The following FCHO2 variants were observed in gnomAD, a reference collection of about 807,000 sequenced individuals.
The protein encoded by FCHO2 is F-BAR domain only protein 2.
A neutral mutation model predicts 114.1 loss-of-function variants in FCHO2; 43 were observed. That is an observed-to-expected ratio of 0.38 (90% confidence interval 0.30 to 0.49). The LOEUF is 0.49. Ranked by LOEUF, FCHO2 falls within the 20% of genes least tolerant of loss-of-function variation. The pLI, the probability that FCHO2 is intolerant of heterozygous loss-of-function variation, is 0.97. For missense variants in FCHO2, 807 were observed against 950.4 expected (o/e 0.85, Z 1.98); for synonymous variants, 293 against 315.2 (o/e 0.93, Z 0.75).
Position 73,019,252 on chromosome 5 carries a change from A to G in FCHO2, c.796+1944A>G, listed in dbSNP as rs368186650. 9.2e-5 allele frequency among the ~76,000 whole-genome samples: 14 copies of G among 152,314 alleles called. No individual in the cohort carries two copies. In the East Asian group the frequency reaches 1.3e-3, roughly 15 times the overall value. ...AACATTTGCCAAGTGTAAAATTCATAAAGAATTTTGTGACTGAGCATGGTG... is the reference window on the plus strand; with the variant it reads ...AACATTTGCCAAGTGTAAAATTCATGAAGAATTTTGTGACTGAGCATGGTG... On this transcript the variant is annotated intron_variant, in intron 8 of 25. Coordinates refer to ENST00000430046, the MANE Select transcript of FCHO2 (RefSeq NM_138782.3).
chr5:73,063,823 C>G lies in FCHO2; in HGVS notation c.1346-18C>G, dbSNP rs1005062088. The stretch of plus-strand genomic sequence containing the variant: ...ATACTAATGATTTTCTTCAAATTCT[C>G]TTTTCCCCCTCAACCAGCCAGGCCC... On this transcript the variant is annotated intron_variant, in intron 17 of 25. Transcript: ENST00000430046. 1.9e-6 allele frequency: 3 copies of G among 1,601,848 alleles called. No homozygotes were observed. Among genetic ancestry groups the G allele is most frequent in the East Asian group, 2.2e-5 (1 of 44,612 alleles).
chr5:73,026,138 A>G (rs894905241), intron 8 of FCHO2, among the ~76,000 whole-genome samples: 3 of 152,280 alleles, frequency 2.0e-5, no homozygotes, highest in Middle Eastern at 3.4e-3. Context: ...AGACCACTGC[A>G]TGACTGTTGG....
rs1755355030 is a variant in FCHO2 at position 73,017,262 on chromosome 5, G to T, written c.750G>T (p.Leu250Phe). 3 of 1,566,212 alleles carry T rather than the reference G, an allele frequency of 1.9e-6. No homozygotes were observed. In the African/African-American group the frequency reaches 4.1e-5, roughly 21 times the overall value. Residue 250 changes from leucine (L) to phenylalanine (F), a missense_variant, in exon 8 of 26, where the codon TTG (leucine) becomes TTT (phenylalanine). Leu to Phe is a conservative substitution (Grantham distance 22). Coordinates refer to ENST00000430046, the MANE Select transcript of FCHO2 (RefSeq NM_138782.3). ...TGGCTAATACTACAGTTGAAAGTTT[G>T]ATACAAAAATTTGCTGAGTCAAAAG... is the stretch of plus-strand genomic sequence containing the variant. Reference protein sequence around the residue: ...NNMANTTVESLIQKFAESKGT... With the variant: ...NNMANTTVESFIQKFAESKGT...
intron 1 of FCHO2, among the ~76,000 whole-genome samples, chr5:72,956,961 T>C (rs543090896): frequency 1.3e-5 from 2 of 152,228 alleles, no homozygotes; most frequent in South Asian, 4.1e-4. Flanking sequence ...TTTACTCAGG[T>C]ATCTTTCGTG....
chr5:73,034,945 C>T (rs1459861325), intron 9 of FCHO2, among the ~76,000 whole-genome samples: 3 of 152,130 alleles, frequency 2.0e-5, no homozygotes, highest in Non-Finnish European at 4.4e-5. Context: ...GTATAACATG[C>T]ATTTGTTTTT....
intron 15 of FCHO2, 117 bp downstream of exon 15, chr5:73,054,666 G>A: frequency 1.5e-6 from 1 of 685,594 alleles, no homozygotes; most frequent in Admixed American, 3.3e-5. Flanking sequence ...GAGCCCTACT[G>A]CGTGGCTAGA....
chr5:72,960,311 G>GA (rs33995827), intron 1 of FCHO2, among the ~76,000 whole-genome samples: 117,373 of 152,040 alleles, frequency 0.77, 46,463 homozygotes, highest in Non-Finnish European at 0.86. Flanking sequence ...TACTTTGAAG[G>GA]AAAAATTATT....
intron 8 of FCHO2, 82 bp from the exon 9 acceptor site, chr5:73,034,575 A>C (rs1756400544): frequency 1.8e-6 from 2 of 1,092,152 alleles, no homozygotes; most frequent in Admixed American, 2.5e-5. Context: ...TAGAATAAAA[A>C]ATTTAAAATG....
chr5:73,015,576 G>A (rs1001014237), intron 6 of FCHO2, 50 bp from the exon 7 acceptor site: 1 of 1,067,002 alleles, frequency 9.4e-7, no homozygotes, highest in Non-Finnish European at 1.4e-6. Context: ...GAATATATAT[G>A]TATGTACCTG....
At chr5:72,995,982 C>CTTG (rs1754070942) in intron 5 of FCHO2, among the ~76,000 whole-genome samples, 1 of 152,080 alleles carries the variant, frequency 6.6e-6, no homozygotes, top group African/African-American at 2.4e-5. Flanking sequence ...GTGGCTCACA[C>CTTG]TTGTAATCCC....
intron 10 of FCHO2, among the ~76,000 whole-genome samples, chr5:73,037,477 T>C (rs1204462051): frequency 2.6e-5 from 4 of 152,024 alleles, no homozygotes; most frequent in Non-Finnish European, 5.9e-5. Flanking sequence ...TTTTGAAATA[T>C]CCTTATTTTT....
At chr5:73,081,744 T>G (rs1054761208) in intron 22 of FCHO2, 39 bp from the exon 23 acceptor site, 4 of 1,410,512 alleles carry the variant, frequency 2.8e-6, no homozygotes, top group East Asian at 2.6e-5. Flanking sequence ...TCTTAACTTT[T>G]CAGGCCAAAA....
chr5:72,987,246 G>A (rs1457426538), intron 2 of FCHO2, among the ~76,000 whole-genome samples: 1 of 152,070 alleles, frequency 6.6e-6, no homozygotes, highest in South Asian at 2.1e-4. Context: ...ATGAGGTCAG[G>A]TGTGGAATTT....
intron 18 of FCHO2, among the ~76,000 whole-genome samples, chr5:73,068,038 G>A (rs1312933272): frequency 1.3e-5 from 2 of 151,916 alleles, no homozygotes; most frequent in African/African-American, 4.8e-5. Flanking sequence ...GAATTACTGA[G>A]GAAAATGTGA....
In FCHO2 at chr5:72,997,693, G is replaced by A. The variant is rs185690679; in HGVS notation, c.495+6829G>A. On this transcript the variant is annotated intron_variant, in intron 5 of 25. Coordinates refer to ENST00000430046, the MANE Select transcript of FCHO2 (RefSeq NM_138782.3). ...GTTGGGGTTGGGGGAAAGGGAGGGC[G>A]AGCCCTTGGGATACCGTTTGATGCC... 10 of 1,544,148 alleles carry A rather than the reference G, an allele frequency of 6.5e-6. No homozygotes were observed. In the East Asian group the frequency reaches 9.2e-5, roughly 14 times the overall value.
intron 18 of FCHO2, among the ~76,000 whole-genome samples, chr5:73,068,165 A>G (rs1211918877): frequency 6.6e-6 from 1 of 152,116 alleles, no homozygotes; most frequent in East Asian, 1.9e-4. Flanking sequence ...ACCTCCCCAA[A>G]TTACATCAAC....
intron 1 of FCHO2, among the ~76,000 whole-genome samples, chr5:72,956,353 G>T (rs547244784): frequency 1.3e-5 from 2 of 151,628 alleles, no homozygotes; most frequent in African/African-American, 4.8e-5. Context: ...CGCGGCCCGG[G>T]GGCCCGCAGC....
chr5:73,069,327 A>G (rs1190863497), intron 19 of FCHO2, among the ~76,000 whole-genome samples: 3 of 152,108 alleles, frequency 2.0e-5, no homozygotes, highest in Non-Finnish European at 4.4e-5. Flanking sequence ...CATTACATTT[A>G]TTGTGCACTT....
intron 5 of FCHO2, among the ~76,000 whole-genome samples, chr5:72,993,446 T>C (rs1453639891): frequency 6.6e-6 from 1 of 152,050 alleles, no homozygotes; most frequent in Non-Finnish European, 1.5e-5. Context: ...ATTTGAAGAG[T>C]TAACAGCTCA....
Sources: gnomAD v4.1 joint callset for allele counts (sites outside exome capture counted in the v4.1 genomes callset) on GRCh38, gnomAD v4.1.1 for gene constraint, MANE v1.5 for transcripts, NCBI Gene and HGNC (gene_info 2026-07-23, HGNC 2026-07-21) for gene names.